Variants in OTOA observed in about 807,000 individuals in gnomAD.
OTOA encodes otoancorin.
OTOA carries 70 observed loss-of-function variants against 110.8 expected under a neutral mutation model. That is an observed-to-expected ratio of 0.63 (90% CI 0.52 to 0.77). The LOEUF is 0.77. OTOA is among the 30% of genes least tolerant of loss of function. The probability of loss-of-function intolerance (pLI) is 0.00; values close to 1 mark genes in which losing one functional copy is unlikely to be tolerated. For synonymous variants in OTOA, 373 were observed against 431.5 expected (o/e 0.86, Z 1.68); for missense variants, 917 against 1,075.8 (o/e 0.85, Z 2.06).
At chr16:21,720,158 G>A (rs1898685538) in intron 17 of OTOA, among the ~76,000 whole-genome samples, 1 of 152,020 alleles carries the variant, frequency 6.6e-6, no homozygotes, top group Admixed American at 6.6e-5. Context: ...GTCTTGATAT[G>A]TTGCCCAGGC....
chr16:21,708,599 C>A (rs1487922638), intron 12 of OTOA, among the ~76,000 whole-genome samples: 1 of 152,172 alleles, frequency 6.6e-6, no homozygotes. Context: ...CTGTAGTCCA[C>A]CCCTTCGTTT....
Position 21,705,237 on chromosome 16 carries a change from T to C in OTOA, c.1049T>C (p.Leu350Pro), listed in dbSNP as rs1429567593. ...LLDATVAQVL[L>P]YQMIKCSHLR... The stretch of plus-strand genomic sequence containing the variant: ...GATGCCACTGTGGCTCAAGTCCTGC[T>C]TTACCAGATGATCAAGTGCAGCCAC... The change falls in exon 12 of 29, where the codon CTT (leucine) becomes CCT (proline). Residue 350 changes from leucine to proline, a missense_variant. This residue lies in a region of OTOA where 840 missense variants were observed against 910.2 expected (regional missense o/e 0.92). Coordinates refer to ENST00000646100, the MANE Select transcript of OTOA (RefSeq NM_144672.4). 1 of 1,614,034 alleles carries C rather than the reference T, an allele frequency of 6.2e-7. No individual in the cohort carries two copies. The highest frequency in any genetic ancestry group is 1.3e-5 in the African/African-American group (1 of 74,928).
chr16:21,697,283 C>T (rs1004818300), intron 9 of OTOA, among the ~76,000 whole-genome samples: 1 of 152,104 alleles, frequency 6.6e-6, no homozygotes, highest in African/African-American at 2.4e-5. Flanking sequence ...TGTTCACATC[C>T]TACGTGTGAT....
chr16:21,720,651 T>C (rs533577691), intron 17 of OTOA, among the ~76,000 whole-genome samples: 1 of 152,280 alleles, frequency 6.6e-6, no homozygotes, highest in South Asian at 2.1e-4. Flanking sequence ...TGAGGCCTAA[T>C]ACTTTGCATT....
rs771788001 is a variant in OTOA, at chr16:21,722,876, T to A, written c.1807-29T>A. 1.5e-5 allele frequency: 24 copies of A among 1,603,556 alleles called. No homozygotes were observed. In the South Asian group the frequency reaches 2.5e-4, roughly 17 times the overall value. ...GTGTTTGTTCTTCTTCTTACTGCAT[T>A]AAATCCCCAGAACTGCTTAATCTTT... On this transcript the variant is annotated intron_variant, in intron 17 of 28. Coordinates refer to ENST00000646100, the MANE Select transcript of OTOA (RefSeq NM_144672.4).
chr16:21,719,053 A>G (rs900800433), intron 15 of OTOA, 80 bp from the exon 16 acceptor site: 2 of 1,370,018 alleles, frequency 1.5e-6, no homozygotes, highest in Non-Finnish European at 1.0e-6. Flanking sequence ...GGATTGTGGA[A>G]TGCCTTCCTG....
intron 6 of OTOA, among the ~76,000 whole-genome samples, chr16:21,683,161 C>T (rs1966927196): frequency 6.6e-6 from 1 of 152,228 alleles, no homozygotes; most frequent in South Asian, 2.1e-4. Context: ...AGTCATGATA[C>T]TACCCACAAG....
At chr16:21,724,612 C>T (rs923976950) in intron 18 of OTOA, among the ~76,000 whole-genome samples, 2 of 152,092 alleles carry the variant, frequency 1.3e-5, no homozygotes, top group African/African-American at 4.8e-5. Context: ...AGGGAGACAG[C>T]TGAAGATTAT....
At position 21,716,997 on chromosome 16, in the gene OTOA, C is replaced by A. The variant is rs200908561; in HGVS notation, c.1579C>A (p.Pro527Thr). 4 of 1,614,050 alleles carry A rather than the reference C, an allele frequency of 2.5e-6. No individual in the cohort carries two copies. The highest frequency in any genetic ancestry group is 3.4e-6 in the Non-Finnish European group (4 of 1,180,002). Reference sequence around the variant, plus strand: ...GTCTCTCTTTGATTTAAGGAGGCAACCTGGATTCAACTCTACAGTCCTGAA... The same window carrying A: ...GTCTCTCTTTGATTTAAGGAGGCAAACTGGATTCAACTCTACAGTCCTGAA... ...EVSLFDLRRQ[P>T]GFNSTVLKDK... is the part of the protein sequence containing the mutation. Residue 527 changes from proline to threonine, a missense_variant, in exon 15 of 29, where the codon CCT becomes ACT. Physicochemically the swap from Pro to Thr is conservative, Grantham distance 38 (BLOSUM62 -1). Transcript: ENST00000646100.
intron 5 of OTOA, among the ~76,000 whole-genome samples, chr16:21,680,004 C>T (rs1249625799): frequency 6.6e-6 from 1 of 152,074 alleles, no homozygotes; most frequent in Middle Eastern, 3.2e-3. Context: ...TATTAATAAA[C>T]AATTCTAATA....
chr16:21,707,528 G>A (rs1349470705), intron 12 of OTOA, among the ~76,000 whole-genome samples: 2 of 151,538 alleles, frequency 1.3e-5, no homozygotes. Context: ...GACATTTATT[G>A]TGCTCTTCCT....
chr16:21,756,548 C>T (rs62045987), intron 27 of OTOA, among the ~76,000 whole-genome samples: 31,814 of 151,798 alleles, frequency 0.21, 3,937 homozygotes, highest in Non-Finnish European at 0.27. Flanking sequence ...TCCCCCTCCA[C>T]ATCAGTGTTT....
rs1165615357 is a variant in OTOA, at chr16:21,677,762, G to A, written c.-4-749G>A. Among the ~76,000 whole-genome samples, 7 of 152,196 alleles carry A rather than the reference G, an allele frequency of 4.6e-5. No homozygotes were observed. The East Asian group carries it at 7.7e-4, about 17-fold the overall frequency. ...CTCCCAAAGTGCTGGGATTACAGGC[G>A]TGAGCCACTGCGCCTGGCCAACTTC... On this transcript the variant is annotated intron_variant, in intron 1 of 28. Transcript: ENST00000646100.
chr16:21,726,589 C>A lies in OTOA; in HGVS notation c.1947C>A (p.Ser649Arg). The A allele has an allele frequency of 6.2e-7, 1 of 1,614,046 alleles. No individual in the cohort carries two copies. Among genetic ancestry groups the A allele is most frequent in the East Asian group, 2.2e-5 (1 of 44,866 alleles). ...CCTTTCTGATCAGCCTGGGGAAGAG[C>A]TGGTTGGACTCCTTGGTTTTAGATT... ...CVPFLISLGK[S>R]WLDSLVLDSH... The change falls in exon 19 of 29, where the codon AGC (serine) becomes AGA (arginine). Residue 649 changes from serine (S) to arginine (R), a missense_variant. Transcript: ENST00000646100.
intron 12 of OTOA, among the ~76,000 whole-genome samples, chr16:21,707,406 C>T (rs902936312): frequency 5.3e-5 from 8 of 151,870 alleles, no homozygotes; most frequent in African/African-American, 1.7e-4. Context: ...CTTGTGGCAG[C>T]GCTCCAGTTT....
chr16:21,714,354 CTTCT>C (rs1230845533), intron 13 of OTOA, among the ~76,000 whole-genome samples: 7 of 66,176 alleles, frequency 1.1e-4, no homozygotes, highest in African/African-American at 3.3e-4. Flanking sequence ...TCTTTCTTTC[CTTCT>C]CTCTTTCTTT....
chr16:21,664,833 G>A (rs1966831533), intron 1 of OTOA, among the ~76,000 whole-genome samples: 2 of 152,020 alleles, frequency 1.3e-5, no homozygotes, highest in South Asian at 4.1e-4. Flanking sequence ...TTAGCCAGGT[G>A]TGGTGGCGGG....
At chr16:21,728,953 C>T (rs8050407) in intron 20 of OTOA, among the ~76,000 whole-genome samples, 36,975 of 152,024 alleles carry the variant, frequency 0.24, 4,715 homozygotes, top group Non-Finnish European at 0.27. Flanking sequence ...AGAGTTGTTT[C>T]TTACACAGCT....
At chr16:21,736,569 GC>G (rs1297714343) in intron 22 of OTOA, among the ~76,000 whole-genome samples, 179 bp downstream of exon 22, 3 of 152,226 alleles carry the variant, frequency 2.0e-5, no homozygotes, top group African/African-American at 7.2e-5. Context: ...GGTTGCTCAA[GC>G]CTGTAATCCT....
Sources: allele counts gnomAD v4.1 joint callset (sites outside exome capture counted in the v4.1 genomes callset), GRCh38; gene constraint gnomAD v4.1.1; regional missense constraint gnomAD v4.1.1; transcripts MANE v1.5; gene names NCBI Gene and HGNC (gene_info 2026-07-23, HGNC 2026-07-21).